Variants in TNR observed in about 807,000 individuals in gnomAD.
TNR encodes the protein tenascin-R.
TNR carries 45 observed loss-of-function variants against 150.4 expected under a neutral mutation model. That is an observed-to-expected ratio of 0.30 (90% CI 0.24 to 0.38). The LOEUF is 0.38. Among genes scored for constraint, TNR ranks in the 10% least tolerant of loss-of-function variants. TNR has a pLI of 1.00. For missense variants in TNR, 1,544 were observed against 1,759.1 expected (o/e 0.88, Z 2.19); for synonymous variants, 687 against 678.4 (o/e 1.01, Z -0.20).
intron 16 of TNR, 80 bp from the exon 17 acceptor site, chr1:175,355,713 T>C (rs1433190748): frequency 1.9e-6 from 3 of 1,585,426 alleles, no homozygotes; most frequent in Non-Finnish European, 2.6e-6. Flanking sequence ...GGGTATCTGT[T>C]GCCCACCTCT....
chr1:175,431,887 T>C (rs1280415469), intron 2 of TNR, among the ~76,000 whole-genome samples: 5 of 68,252 alleles, frequency 7.3e-5, no homozygotes, highest in African/African-American at 1.1e-4. Context: ...TCTGCATTCA[T>C]TTCTCTTGTT....
chr1:175,626,069 C>T (rs761937171), intron 1 of TNR, among the ~76,000 whole-genome samples: 17 of 152,112 alleles, frequency 1.1e-4, no homozygotes, highest in Non-Finnish European at 2.4e-4. Flanking sequence ...GGGGTTTCCA[C>T]TTTTGCTTCT....
At chr1:175,475,701 C>T (rs1043416430) in intron 2 of TNR, among the ~76,000 whole-genome samples, 1 of 152,162 alleles carries the variant, frequency 6.6e-6, no homozygotes, top group Non-Finnish European at 1.5e-5. Context: ...CAGATTGCTT[C>T]CTTCAAGAAG....
At position 175,356,341 on chromosome 1, in the gene TNR, G is replaced by T. The variant is rs761582604; in HGVS notation, c.3096C>A (p.Thr1032=). ...YATNGPLTSG[T]ISTNFSTLLD... ...CACGAGTAGAAAAGTTGGTGCTGAT[G>T]GTGCCACTGGTGAGAGGTCCATTGG... The change falls in exon 16 of 23, where the codon ACC becomes ACA. Residue 1032 remains threonine, a synonymous_variant. Transcript: ENST00000367674. The T allele has an allele frequency of 6.2e-7, 1 of 1,614,042 alleles. No individual in the cohort carries two copies. The highest frequency in any genetic ancestry group is 8.5e-7 in the Non-Finnish European group (1 of 1,179,938).
chr1:175,668,326 G>A (rs1301392937), intron 1 of TNR, among the ~76,000 whole-genome samples: 1 of 152,184 alleles, frequency 6.6e-6, no homozygotes, highest in Non-Finnish European at 1.5e-5. Context: ...GTGGTCAGGT[G>A]GCTTTCAGGG....
intron 1 of TNR, among the ~76,000 whole-genome samples, chr1:175,711,183 A>G (rs1353648225): frequency 2.6e-5 from 4 of 152,188 alleles, no homozygotes; most frequent in South Asian, 4.1e-4. Flanking sequence ...AGTGCTGTGT[A>G]GAAAGACAGA....
chr1:175,613,142 C>T (rs917933064), intron 1 of TNR, among the ~76,000 whole-genome samples: 2 of 152,148 alleles, frequency 1.3e-5, no homozygotes, highest in African/African-American at 2.4e-5. Context: ...GCAGGGTCTC[C>T]TCTGGGTATT....
At position 175,393,848 on chromosome 1, in the gene TNR, T is replaced by C. The variant is rs1653293766; in HGVS notation, c.1288A>G (p.Thr430Ala). The C allele has an allele frequency of 6.2e-7, 1 of 1,614,096 alleles. No individual in the cohort carries two copies. Among genetic ancestry groups the C allele is most frequent in the Non-Finnish European group, 8.5e-7 (1 of 1,180,042 alleles). ...AAGGGCTCCCACTGCACCTCCACGG[T>C]GGTCTCTGTGATCGTCTTAAATTGT... ...GLQFKTITET[T>A]VEVQWEPFSF... is the part of the protein sequence containing the mutation. The change falls in exon 6 of 23, where the codon ACC (threonine) becomes GCC (alanine). Residue 430 changes from threonine to alanine, a missense_variant. Thr to Ala is a moderately conservative substitution (Grantham distance 58, BLOSUM62 0). Coordinates refer to ENST00000367674, the MANE Select transcript of TNR (RefSeq NM_003285.3).
At chr1:175,675,699 C>T (rs1323678138) in intron 1 of TNR, among the ~76,000 whole-genome samples, 1 of 152,180 alleles carries the variant, frequency 6.6e-6, no homozygotes, top group Non-Finnish European at 1.5e-5. Flanking sequence ...TCTTCCTTAG[C>T]CTTGCTGCTA....
chr1:175,578,257 T>C lies in TNR; in HGVS notation c.-164-49888A>G, dbSNP rs568984056. Among the ~76,000 whole-genome samples, 16 of 151,494 alleles carry C rather than the reference T, an allele frequency of 1.1e-4. No individual in the cohort carries two copies. The East Asian group carries it at 2.9e-3, about 28-fold the overall frequency. The stretch of plus-strand genomic sequence containing the variant: ...AAACTGGATGCATTCAGGGGAGATC[T>C]GGGGACAGAGAGGGAGGGGTGAGGG... On this transcript the variant is annotated intron_variant, in intron 1 of 22. Transcript: ENST00000367674.
At chr1:175,633,071 C>T (rs1664382532) in intron 1 of TNR, among the ~76,000 whole-genome samples, 1 of 152,194 alleles carries the variant, frequency 6.6e-6, no homozygotes, top group African/African-American at 2.4e-5. Flanking sequence ...CCCCCTCTTC[C>T]CTGCTTTACA....
Position 175,324,273 on chromosome 1 carries a change from C to T in TNR, c.3957+83G>A, listed in dbSNP as rs1027179523. ...TTTTTAAAGGGAAATGAAGGACTCA[C>T]ATGTGCTTTTAAAATATAAAGCTAA... is the stretch of plus-strand genomic sequence containing the variant. On this transcript the variant is annotated intron_variant, in intron 22 of 22. Transcript: ENST00000367674. The T allele has an allele frequency of 9.9e-6, 14 of 1,416,550 alleles. No individual in the cohort carries two copies. In the African/African-American group the frequency reaches 1.0e-4, roughly 10 times the overall value. 87.7% of individuals were successfully genotyped at this position (1,416,550 alleles called of 1,614,324 possible).
chr1:175,416,881 G>A (rs369878910), intron 2 of TNR, among the ~76,000 whole-genome samples: 1 of 152,082 alleles, frequency 6.6e-6, no homozygotes, highest in African/African-American at 2.4e-5. Flanking sequence ...GGTGGCAGGC[G>A]CCTGTAGTCC....
At chr1:175,475,409 G>T (rs997400370) in intron 2 of TNR, among the ~76,000 whole-genome samples, 1 of 152,218 alleles carries the variant, frequency 6.6e-6, no homozygotes, top group Non-Finnish European at 1.5e-5. Flanking sequence ...TGTAAGTGTG[G>T]TGGACGTGCT....
intron 1 of TNR, among the ~76,000 whole-genome samples, chr1:175,728,563 C>T (rs1048596069): frequency 6.6e-6 from 1 of 152,214 alleles, no homozygotes; most frequent in African/African-American, 2.4e-5. Context: ...TTGTTTCTAA[C>T]ATTCTGCCAT....
chr1:175,606,402 C>T (rs1663406202), intron 1 of TNR, among the ~76,000 whole-genome samples: 1 of 152,120 alleles, frequency 6.6e-6, no homozygotes, highest in Admixed American at 6.5e-5. Context: ...GCACAGTATT[C>T]CTTTAAGCTT....
intron 1 of TNR, among the ~76,000 whole-genome samples, chr1:175,739,694 T>C (rs1353034832): frequency 1.3e-5 from 2 of 152,200 alleles, no homozygotes; most frequent in East Asian, 1.9e-4. Context: ...AAGTGGCTTC[T>C]GGTTCTAAAT....
chr1:175,641,707 T>C (rs1411393446), intron 1 of TNR, among the ~76,000 whole-genome samples: 10 of 152,206 alleles, frequency 6.6e-5, no homozygotes, highest in Non-Finnish European at 5.9e-5. Flanking sequence ...TGGCCCTTTG[T>C]TCATAAAGTC....
At chr1:175,491,236 G>A (rs1156708919) in intron 2 of TNR, among the ~76,000 whole-genome samples, 1 of 152,102 alleles carries the variant, frequency 6.6e-6, no homozygotes, top group Non-Finnish European at 1.5e-5. Flanking sequence ...CTTGGGGGAG[G>A]GAGATCATCA....
Sources: gnomAD v4.1 joint callset for allele counts (sites outside exome capture counted in the v4.1 genomes callset) on GRCh38, gnomAD v4.1.1 for gene constraint, MANE v1.5 for transcripts, NCBI Gene and HGNC (gene_info 2026-07-23, HGNC 2026-07-21) for gene names.